MBNL2: variants seen among roughly 807,000 people sequenced by gnomAD.
MBNL2 encodes the protein muscleblind like splicing regulator 2, also known as muscleblind-like protein 2.
Under a neutral mutation model 41.9 loss-of-function variants are expected in MBNL2, and 17 were observed. The ratio of observed to expected loss-of-function variants is 0.41; its 90% CI spans 0.28 to 0.61. MBNL2 has a LOEUF of 0.61. Ranked by LOEUF, MBNL2 falls within the 20% of genes least tolerant of loss-of-function variation. The pLI is 0.35. For synonymous variants in MBNL2, 195 were observed against 182.9 expected, an observed-to-expected ratio of 1.07 and a Z score of -0.53; for missense variants, 336 against 505.6, an observed-to-expected ratio of 0.66 and a Z score of 3.22.
chr13:97,348,680 G>A (rs1031570343), intron 5 of MBNL2, among the ~76,000 whole-genome samples: 11 of 152,276 alleles, frequency 7.2e-5, no homozygotes, highest in Middle Eastern at 3.4e-3. Context: ...GGTCCAGAGG[G>A]CATGAAGGAC....
chr13:97,268,647 T>C lies in MBNL2; in HGVS notation c.-604-6985T>C, dbSNP rs1472969036. On this transcript the variant is annotated intron_variant, in intron 1 of 8. Transcript: ENST00000679496. This position sits in a 1 kb window ranked among gnomAD's most constrained non-coding sequence, Gnocchi z 4.6. ...AGTCCTTTAGCTTAGACTTTGGTTC[T>C]TATTAAAATGCAAATATTCCTTGGA... Among the ~76,000 whole-genome samples the C allele has an allele frequency of 6.6e-6, 1 of 152,228 alleles. No homozygotes were observed. Among genetic ancestry groups the C allele is most frequent in the African/African-American group, 2.4e-5 (1 of 41,460 alleles).
At chr13:97,265,707 C>T (rs2049625661) in intron 1 of MBNL2, among the ~76,000 whole-genome samples, 1 of 152,004 alleles carries the variant, frequency 6.6e-6, no homozygotes, top group African/African-American at 2.4e-5. Flanking sequence ...AATGTTGATA[C>T]AGATTAGGTA....
intron 2 of MBNL2, among the ~76,000 whole-genome samples, chr13:97,279,845 A>C (rs1333983792): frequency 6.6e-6 from 1 of 152,234 alleles, no homozygotes; most frequent in Non-Finnish European, 1.5e-5. Flanking sequence ...CATGAGAATT[A>C]TACATATATA....
chr13:97,160,765 G>C, the MBNL2 span, among the ~76,000 whole-genome samples: 1 of 152,122 alleles, frequency 6.6e-6, no homozygotes, highest in Non-Finnish European at 1.5e-5. Flanking sequence ...TATTAGCATG[G>C]GTGCAGCCAG....
chr13:97,167,749 TG>T, the MBNL2 span, among the ~76,000 whole-genome samples: 1 of 152,214 alleles, frequency 6.6e-6, no homozygotes, highest in African/African-American at 2.4e-5. Context: ...CAGAGTCTTT[TG>T]TGCCTCATCA....
intron 2 of MBNL2, among the ~76,000 whole-genome samples, chr13:97,333,324 C>A (rs890619817): frequency 6.6e-6 from 1 of 152,164 alleles, no homozygotes; most frequent in Non-Finnish European, 1.5e-5. Flanking sequence ...AGTATAAACA[C>A]CGCCATATGC....
At chr13:97,198,405 C>T in the MBNL2 span, among the ~76,000 whole-genome samples, 1 of 151,444 alleles carries the variant, frequency 6.6e-6, no homozygotes, top group African/African-American at 2.4e-5. Context: ...GCTGACTCAC[C>T]CTGCAGGTCT....
chr13:97,235,196 C>T (rs1012185897), intron 1 of MBNL2, among the ~76,000 whole-genome samples: 11 of 152,290 alleles, frequency 7.2e-5, no homozygotes, highest in East Asian at 3.9e-4. Flanking sequence ...CAGGCCCCTA[C>T]TCTATCACAA....
At chr13:97,320,246 A>T (rs1024911371) in intron 2 of MBNL2, among the ~76,000 whole-genome samples, 1 of 148,564 alleles carries the variant, frequency 6.7e-6, no homozygotes, top group Non-Finnish European at 1.5e-5. Flanking sequence ...CCCTCAGAAG[A>T]TTCTCTGGAA....
At chr13:97,203,623 C>T in the MBNL2 span, among the ~76,000 whole-genome samples, 23 of 152,116 alleles carry the variant, frequency 1.5e-4, no homozygotes, top group Admixed American at 1.4e-3. Context: ...GCATGGCCTC[C>T]CCTGCCAACT....
chr13:97,255,121 G>T (rs2047282575), intron 1 of MBNL2, among the ~76,000 whole-genome samples: 1 of 152,138 alleles, frequency 6.6e-6, no homozygotes, highest in South Asian at 2.1e-4. Flanking sequence ...CAGGAAACAT[G>T]ATTCTTGGCA....
At chr13:97,353,455 G>T (rs2062686917) in intron 5 of MBNL2, among the ~76,000 whole-genome samples, 1 of 152,274 alleles carries the variant, frequency 6.6e-6, no homozygotes, top group African/African-American at 2.4e-5. Flanking sequence ...AGAGTTAGAA[G>T]ATATTAATAT....
intron 2 of MBNL2, among the ~76,000 whole-genome samples, chr13:97,314,737 A>C (rs1343567308): frequency 6.6e-6 from 1 of 152,190 alleles, no homozygotes; most frequent in Non-Finnish European, 1.5e-5. Context: ...TCTAATGTTC[A>C]AGATCTTCCA....
the MBNL2 span, among the ~76,000 whole-genome samples, chr13:97,157,606 GGTT>G: frequency 6.7e-6 from 1 of 149,314 alleles, no homozygotes; most frequent in Non-Finnish European, 1.5e-5. Context: ...TAGCATGAAG[GGTT>G]GTTGAATTTT....
intron 2 of MBNL2, among the ~76,000 whole-genome samples, chr13:97,323,174 C>T (rs74106912): frequency 6.6e-6 from 1 of 152,128 alleles, no homozygotes; most frequent in Non-Finnish European, 1.5e-5. Context: ...TCCAGGCAGC[C>T]TTCTGTGGGG....
the MBNL2 span, among the ~76,000 whole-genome samples, chr13:97,150,714 C>G: frequency 7.2e-5 from 11 of 152,094 alleles, no homozygotes; most frequent in Non-Finnish European, 1.5e-4. Flanking sequence ...GCCATGTTGC[C>G]CAGGTTGATC....
intron 3 of MBNL2, among the ~76,000 whole-genome samples, chr13:97,335,601 T>C (rs1357900281): frequency 6.6e-6 from 1 of 152,066 alleles, no homozygotes; most frequent in Non-Finnish European, 1.5e-5. Context: ...AAATGCCAGG[T>C]GCAGAGGGCT....
intron 1 of MBNL2, among the ~76,000 whole-genome samples, chr13:97,239,425 C>T (rs144300531): frequency 1.3e-5 from 2 of 152,294 alleles, no homozygotes; most frequent in Non-Finnish European, 2.9e-5. Flanking sequence ...AGTATTGAGG[C>T]AGGCATTTCT....
chr13:97,231,475 T>G (rs1342611972), intron 1 of MBNL2, among the ~76,000 whole-genome samples: 1 of 152,210 alleles, frequency 6.6e-6, no homozygotes, highest in African/African-American at 2.4e-5. Context: ...GGATGGCTCC[T>G]TGGAGGATCT....
Sources: allele counts gnomAD v4.1 joint callset (sites outside exome capture counted in the v4.1 genomes callset), GRCh38; gene constraint gnomAD v4.1.1; non-coding constraint Gnocchi (gnomAD v3.1); transcripts MANE v1.5; gene names NCBI Gene and HGNC (gene_info 2026-07-23, HGNC 2026-07-21).